BRIP1: variants seen among roughly 807,000 people sequenced by gnomAD.
BRIP1 encodes BRCA1 interacting DNA helicase 1.
In BRIP1, 88 loss-of-function variants were observed where a neutral mutation model predicts 119.7. The ratio of observed to expected loss-of-function variants is 0.74; its 90% CI spans 0.62 to 0.88. BRIP1 has a LOEUF of 0.88. Among genes scored for constraint, BRIP1 ranks in the 40% least tolerant of loss-of-function variants. BRIP1 has a pLI of 0.00. For synonymous variants in BRIP1, 443 were observed against 496.5 expected (o/e 0.89, Z 1.43); for missense variants, 1,259 against 1,455.4 (o/e 0.87, Z 2.20).
intron 3 of BRIP1, among the ~76,000 whole-genome samples, chr17:61,858,375 G>GTTTT (rs573831950): frequency 7.1e-6 from 1 of 141,808 alleles, no homozygotes; most frequent in Non-Finnish European, 1.6e-5. Flanking sequence ...AGTATTTACT[G>GTTTT]TTTTTTTTTT....
In BRIP1 at chr17:61,782,118, G is replaced by T. The variant is rs1254226426; in HGVS notation, c.1629-1113C>A. Reference sequence around the variant, plus strand: ...AACAAAGGGGAGACCGGGTGCGATGGCTCACGCCTGTAATCCCAGCACTTT... The same window carrying T: ...AACAAAGGGGAGACCGGGTGCGATGTCTCACGCCTGTAATCCCAGCACTTT... On this transcript the variant is annotated intron_variant, in intron 11 of 19. Coordinates refer to ENST00000259008, the MANE Select transcript of BRIP1 (RefSeq NM_032043.3). Among the ~76,000 whole-genome samples, 3 of 151,990 alleles carry T rather than the reference G, an allele frequency of 2.0e-5. No homozygotes were observed. The South Asian group carries it at 6.2e-4, about 32-fold the overall frequency.
rs919977193 is a variant in BRIP1 at position 61,809,243 on chromosome 17, T to G, written c.628-486A>C. Reference sequence around the variant, plus strand: ...TTTACAAAAGAATAGAATTATCAAGTTGAATCTAAAGGATCACTTAACAAC... The same window carrying G: ...TTTACAAAAGAATAGAATTATCAAGGTGAATCTAAAGGATCACTTAACAAC... On this transcript the variant is annotated intron_variant, in intron 6 of 19. Transcript: ENST00000259008. This position sits in a 1 kb window ranked among gnomAD's most constrained non-coding sequence, Gnocchi z 5.2. Among the ~76,000 whole-genome samples the G allele has an allele frequency of 6.6e-6, 1 of 152,190 alleles. No homozygotes were observed. The highest frequency in any genetic ancestry group is 2.4e-5 in the African/African-American group (1 of 41,460).
rs1303725490 is a variant in BRIP1 at position 61,860,330 on chromosome 17, G to A, written c.94-423C>T. Among the ~76,000 whole-genome samples the A allele has an allele frequency of 6.6e-6, 1 of 152,180 alleles. No homozygotes were observed. Among genetic ancestry groups the A allele is most frequent in the East Asian group, 1.9e-4 (1 of 5,200 alleles). On this transcript the variant is annotated intron_variant, in intron 2 of 19. Coordinates refer to ENST00000259008, the MANE Select transcript of BRIP1 (RefSeq NM_032043.3). This position sits in a 1 kb window ranked among gnomAD's most constrained non-coding sequence, Gnocchi z 4.1. ...AGCTCCAGCAAGTCCAGTTCTATGT[G>A]TACACCCAAAACCTTTCCCACATGA...
chr17:61,814,436 C>G lies in BRIP1; in HGVS notation c.628-5679G>C, dbSNP rs866907843. Reference sequence around the variant, plus strand: ...TTAAAAGACAAACCCTACAGAAAACCAAGAACAGGCAAATCACAGAAGAGA... The same window carrying G: ...TTAAAAGACAAACCCTACAGAAAACGAAGAACAGGCAAATCACAGAAGAGA... On this transcript the variant is annotated intron_variant, in intron 6 of 19. Transcript: ENST00000259008. This position sits in a 1 kb window ranked among gnomAD's most constrained non-coding sequence, Gnocchi z 4.9. Among the ~76,000 whole-genome samples the G allele has an allele frequency of 3.3e-5, 5 of 151,874 alleles. No individual in the cohort carries two copies. Among genetic ancestry groups the G allele is most frequent in the African/African-American group, 1.2e-4 (5 of 41,394 alleles).
chr17:61,695,552 A>G lies in BRIP1; in HGVS notation c.2493-2040T>C, dbSNP rs2061507878. 2.0e-5 allele frequency among the ~76,000 whole-genome samples: 3 copies of G among 152,112 alleles called. No individual in the cohort carries two copies. The highest frequency in any genetic ancestry group is 2.0e-4 in the Admixed American group (3 of 15,274). ...CAGCTGGGATTTTGATTAGTATTGT[A>G]TTTAACCTCTATATCAATATAGGGG... On this transcript the variant is annotated intron_variant, in intron 17 of 19. Transcript: ENST00000259008. The surrounding 1 kb of genome is among the most constrained non-coding windows in gnomAD (Gnocchi z 4.3).
rs533713705 is a variant in BRIP1 at position 61,720,525 on chromosome 17, A to G, written c.2380-4462T>C. 1.8e-3 allele frequency among the ~76,000 whole-genome samples: 272 copies of G among 152,356 alleles called. 1 individual carries two copies. Among genetic ancestry groups the G allele is most frequent in the Middle Eastern group, 0.017 (5 of 294 alleles). On this transcript the variant is annotated intron_variant, in intron 16 of 19. Transcript: ENST00000259008. This position sits in a 1 kb window ranked among gnomAD's most constrained non-coding sequence, Gnocchi z 4.3. ...GTTAACTGCGGTCAACTGTGGTCCA[A>G]AAATATTAAATAAAAAATTCCAGAA...
chr17:61,855,351 G>A (rs1276410539), intron 4 of BRIP1, among the ~76,000 whole-genome samples: 12 of 152,162 alleles, frequency 7.9e-5, no homozygotes, highest in Admixed American at 7.9e-4. Flanking sequence ...GCCGAGGCAG[G>A]TGAGTAACTT....
chr17:61,714,045 G>C (rs150007098), intron 17 of BRIP1, among the ~76,000 whole-genome samples: 2 of 152,070 alleles, frequency 1.3e-5, no homozygotes, highest in Non-Finnish European at 2.9e-5. Context: ...GCACAGTGGC[G>C]TGTGCCTGGA....
In BRIP1 at chr17:61,823,790, A is replaced by ACC. The variant is rs1238513738; in HGVS notation, c.628-15034_628-15033insGG. 1.3e-5 allele frequency among the ~76,000 whole-genome samples: 2 copies of ACC among 149,600 alleles called. No homozygotes were observed. Among genetic ancestry groups the ACC allele is most frequent in the East Asian group, 4.1e-4 (2 of 4,824 alleles). On this transcript the variant is annotated intron_variant, in intron 6 of 19. Coordinates refer to ENST00000259008, the MANE Select transcript of BRIP1 (RefSeq NM_032043.3). The surrounding 1 kb of genome is among the most constrained non-coding windows in gnomAD (Gnocchi z 4.8). The stretch of plus-strand genomic sequence containing the variant: ...CACACACACACACACACACACACAC[A>ACC]CACACACCTTAGTTGAATTGCTGAA...
intron 11 of BRIP1, among the ~76,000 whole-genome samples, chr17:61,782,912 T>A (rs990639419): frequency 6.6e-6 from 1 of 152,206 alleles, no homozygotes; most frequent in South Asian, 2.1e-4. Flanking sequence ...GGCAAGGATG[T>A]GTAGAAATTG....
At position 61,775,318 on chromosome 17, in the gene BRIP1, C is replaced by A. The variant is rs1352976246; in HGVS notation, c.2097+1083G>T. On this transcript the variant is annotated intron_variant, in intron 14 of 19. Coordinates refer to ENST00000259008, the MANE Select transcript of BRIP1 (RefSeq NM_032043.3). The surrounding 1 kb of genome is among the most constrained non-coding windows in gnomAD (Gnocchi z 4.4). The stretch of plus-strand genomic sequence containing the variant: ...TTAAATATGTTTTTGAAAACAAATC[C>A]TTTAATTTATCTACAAGAGACTAAT... Among the ~76,000 whole-genome samples, 8 of 151,966 alleles carry A rather than the reference C, an allele frequency of 5.3e-5. No homozygotes were observed. The East Asian group carries it at 1.5e-3, about 29-fold the overall frequency.
rs1334346609 is a variant in BRIP1 at position 61,816,859 on chromosome 17, G to A, written c.628-8102C>T. On this transcript the variant is annotated intron_variant, in intron 6 of 19. Transcript: ENST00000259008. This position sits in a 1 kb window ranked among gnomAD's most constrained non-coding sequence, Gnocchi z 5.0. ...GCCAGCTAAGAATTGTAAATAAAATGATAGAATTTTAAAAATCACCATTTT... is the reference window on the plus strand; with the variant it reads ...GCCAGCTAAGAATTGTAAATAAAATAATAGAATTTTAAAAATCACCATTTT... 6.6e-6 allele frequency among the ~76,000 whole-genome samples: 1 copy of A among 152,184 alleles called. No individual in the cohort carries two copies. The highest frequency in any genetic ancestry group is 1.5e-5 in the Non-Finnish European group (1 of 68,034).
At chr17:61,819,059 G>A (rs554255572) in intron 6 of BRIP1, among the ~76,000 whole-genome samples, 65 of 151,902 alleles carry the variant, frequency 4.3e-4, no homozygotes, top group Admixed American at 1.2e-3. Flanking sequence ...GGTGGTGCAC[G>A]CCTGTAATCC....
intron 10 of BRIP1, among the ~76,000 whole-genome samples, chr17:61,788,736 G>A (rs879372191): frequency 2.6e-5 from 4 of 151,998 alleles, no homozygotes; most frequent in Admixed American, 6.6e-5. Flanking sequence ...TGGGAGGATC[G>A]CCTGAGGCCA....
chr17:61,857,810 A>G lies in BRIP1; in HGVS notation c.206-579T>C, dbSNP rs1163260946. On this transcript the variant is annotated intron_variant, in intron 3 of 19. Transcript: ENST00000259008. This position sits in a 1 kb window ranked among gnomAD's most constrained non-coding sequence, Gnocchi z 5.1. Reference sequence around the variant, plus strand: ...CTAATAATCTAAGATTAATAATGTAATAAAAGTACAACTACTCAAGTATTC... The same window carrying G: ...CTAATAATCTAAGATTAATAATGTAGTAAAAGTACAACTACTCAAGTATTC... 6.6e-6 allele frequency among the ~76,000 whole-genome samples: 1 copy of G among 152,246 alleles called. No individual in the cohort carries two copies. Among genetic ancestry groups the G allele is most frequent in the Non-Finnish European group, 1.5e-5 (1 of 68,046 alleles).
At chr17:61,721,605 T>C (rs2061977243) in intron 16 of BRIP1, among the ~76,000 whole-genome samples, 1 of 151,012 alleles carries the variant, frequency 6.6e-6, no homozygotes, top group South Asian at 2.1e-4. Context: ...CTTTTTATTT[T>C]ACATTCCCTC....
intron 10 of BRIP1, among the ~76,000 whole-genome samples, chr17:61,788,865 G>A (rs778912229): frequency 6.6e-6 from 1 of 152,024 alleles, no homozygotes; most frequent in African/African-American, 2.4e-5. Context: ...AGACCGAGGC[G>A]GGTGGATCAC....
rs1459875438 is a variant in BRIP1, at chr17:61,689,279, A to C, written c.2576-3114T>G. ...GGCTGGTCTTGAACTCCTGACCTCAAGTGATCCACCTTCCTCAGCCTCCCA... is the reference window on the plus strand; with the variant it reads ...GGCTGGTCTTGAACTCCTGACCTCACGTGATCCACCTTCCTCAGCCTCCCA... On this transcript the variant is annotated intron_variant, in intron 18 of 19. Transcript: ENST00000259008. This position sits in a 1 kb window ranked among gnomAD's most constrained non-coding sequence, Gnocchi z 4.5. Among the ~76,000 whole-genome samples the C allele has an allele frequency of 6.6e-6, 1 of 152,014 alleles. No homozygotes were observed. Among genetic ancestry groups the C allele is most frequent in the Non-Finnish European group, 1.5e-5 (1 of 67,988 alleles).
chr17:61,842,001 G>A lies in BRIP1; in HGVS notation c.627+5100C>T, dbSNP rs1049560717. 5.3e-5 allele frequency among the ~76,000 whole-genome samples: 8 copies of A among 152,158 alleles called. No individual in the cohort carries two copies. Among genetic ancestry groups the A allele is most frequent in the South Asian group, 2.1e-4 (1 of 4,820 alleles). On this transcript the variant is annotated intron_variant, in intron 6 of 19. Coordinates refer to ENST00000259008, the MANE Select transcript of BRIP1 (RefSeq NM_032043.3). The surrounding 1 kb of genome is among the most constrained non-coding windows in gnomAD (Gnocchi z 5.1). Reference sequence around the variant, plus strand: ...CAGCCAACACCATGTTTATTGCAGCGCTATTCATAATAGACAAGGAGTTGG... The same window carrying A: ...CAGCCAACACCATGTTTATTGCAGCACTATTCATAATAGACAAGGAGTTGG...
Sources: gnomAD v4.1 joint callset for allele counts (sites outside exome capture counted in the v4.1 genomes callset) on GRCh38, gnomAD v4.1.1 for gene constraint, Gnocchi (gnomAD v3.1) non-coding constraint, MANE v1.5 for transcripts, NCBI Gene and HGNC (gene_info 2026-07-23, HGNC 2026-07-21) for gene names.